The following PTPN4 variants were observed in gnomAD, a reference collection of about 807,000 sequenced individuals.
PTPN4 encodes the protein tyrosine-protein phosphatase non-receptor type 4.
A neutral mutation model predicts 135.5 loss-of-function variants in PTPN4; 49 were observed. That is an observed-to-expected ratio of 0.36 (90% CI 0.29 to 0.46). PTPN4 has a LOEUF of 0.46. Among genes scored for constraint, PTPN4 ranks in the 20% least tolerant of loss-of-function variants. PTPN4 has a pLI of 1.00. For missense variants in PTPN4, 860 were observed against 1,101.0 expected (o/e 0.78, Z 3.10); for synonymous variants, 333 against 369.9 (o/e 0.90, Z 1.14).
chr2:119,821,686 A>G (rs1167169218), intron 2 of PTPN4, among the ~76,000 whole-genome samples: 1 of 152,126 alleles, frequency 6.6e-6, no homozygotes, highest in African/African-American at 2.4e-5. Flanking sequence ...GTATTTTTTG[A>G]CATCACTTAC....
At chr2:119,881,487 C>T (rs1678077296) in intron 5 of PTPN4, among the ~76,000 whole-genome samples, 1 of 152,178 alleles carries the variant, frequency 6.6e-6, no homozygotes, top group Admixed American at 6.5e-5. Flanking sequence ...CATATACCAA[C>T]CCTCAAGAGT....
chr2:119,927,959 CATT>C (rs1374382726), intron 13 of PTPN4, among the ~76,000 whole-genome samples: 1 of 152,006 alleles, frequency 6.6e-6, no homozygotes, highest in East Asian at 1.9e-4. Context: ...AGTGATAGCT[CATT>C]ATGTTTAAAA....
intron 3 of PTPN4, among the ~76,000 whole-genome samples, chr2:119,870,104 G>A (rs1227877222): frequency 6.6e-6 from 1 of 152,168 alleles, no homozygotes; most frequent in Non-Finnish European, 1.5e-5. Context: ...TTAGCAATAT[G>A]ATTATCCACC....
At position 119,981,216 on chromosome 2, in the gene PTPN4, A is replaced by G. The variant is rs1679687710; in HGVS notation, c.*4146A>G. ...CACTTATAGTAAATAAAGTATATTAAATATTTGTTGGAATAAAAATCTCAA... is the reference window on the plus strand; with the variant it reads ...CACTTATAGTAAATAAAGTATATTAGATATTTGTTGGAATAAAAATCTCAA... On this transcript the variant is annotated 3_prime_UTR_variant, in exon 27 of 27. Transcript: ENST00000263708. The G allele has an allele frequency of 6.6e-6, 1 of 152,088 alleles. No individual in the cohort carries two copies. The highest frequency in any genetic ancestry group is 2.1e-4 in the South Asian group (1 of 4,834). 9.4% of individuals were successfully genotyped at this position (152,088 alleles called of 1,614,324 possible).
chr2:119,785,705 A>G (rs1312978445), intron 1 of PTPN4, among the ~76,000 whole-genome samples: 1 of 152,036 alleles, frequency 6.6e-6, no homozygotes, highest in Non-Finnish European at 1.5e-5. Flanking sequence ...CTGAGAATCA[A>G]GAGCTGTTAA....
chr2:119,798,073 T>A (rs996877670), intron 1 of PTPN4, among the ~76,000 whole-genome samples: 1 of 152,190 alleles, frequency 6.6e-6, no homozygotes, highest in Non-Finnish European at 1.5e-5. Flanking sequence ...TAAACATTTT[T>A]ATAGATTATT....
chr2:119,939,779 C>T (rs1470038756), intron 15 of PTPN4, among the ~76,000 whole-genome samples: 1 of 152,166 alleles, frequency 6.6e-6, no homozygotes, highest in Non-Finnish European at 1.5e-5. Context: ...TGATTTCCAT[C>T]TACAACTCAG....
intron 1 of PTPN4, among the ~76,000 whole-genome samples, chr2:119,766,616 A>C (rs1360090702): frequency 6.6e-6 from 1 of 152,152 alleles, no homozygotes; most frequent in Non-Finnish European, 1.5e-5. Flanking sequence ...AGGTATTTAA[A>C]TAAGGGATGA....
chr2:119,863,132 C>T (rs886803450), intron 3 of PTPN4, among the ~76,000 whole-genome samples: 1 of 151,976 alleles, frequency 6.6e-6, no homozygotes. Context: ...AATTATTTGG[C>T]ATTAAATTTC....
chr2:119,833,185 G>A (rs1677243237), intron 2 of PTPN4, among the ~76,000 whole-genome samples: 1 of 151,678 alleles, frequency 6.6e-6, no homozygotes, highest in African/African-American at 2.4e-5. Context: ...AAGTAATTTT[G>A]TGGTATGGTG....
intron 10 of PTPN4, among the ~76,000 whole-genome samples, chr2:119,911,134 G>T (rs1574400609): frequency 6.6e-6 from 1 of 152,074 alleles, no homozygotes; most frequent in East Asian, 1.9e-4. Context: ...AGCTCTTTTA[G>T]ACAATAAAGA....
At chr2:119,808,238 AAG>A (rs1410844409) in intron 1 of PTPN4, among the ~76,000 whole-genome samples, 1 of 152,220 alleles carries the variant, frequency 6.6e-6, no homozygotes, top group Middle Eastern at 3.2e-3. Context: ...GCAGTCAGGC[AAG>A]AGAAAGAAAT....
chr2:119,873,110 G>A (rs1677936595), intron 3 of PTPN4, among the ~76,000 whole-genome samples: 1 of 151,670 alleles, frequency 6.6e-6, no homozygotes, highest in Non-Finnish European at 1.5e-5. Flanking sequence ...CAACCTCCTA[G>A]CCTCCCGAGT....
chr2:119,962,933 G>A (rs1173545236), intron 24 of PTPN4, among the ~76,000 whole-genome samples, 189 bp downstream of exon 24: 1 of 152,090 alleles, frequency 6.6e-6, no homozygotes, highest in African/African-American at 2.4e-5. Flanking sequence ...TAAAATTAAT[G>A]TTTTTCTTTA....
intron 2 of PTPN4, among the ~76,000 whole-genome samples, chr2:119,843,548 A>G (rs1387483508): frequency 2.7e-5 from 3 of 109,616 alleles, no homozygotes; most frequent in East Asian, 2.5e-4. Flanking sequence ...GGGGCTCCTC[A>G]CTTCCCAGTA....
At chr2:119,947,091 G>A (rs1679144998) in intron 18 of PTPN4, among the ~76,000 whole-genome samples, 1 of 152,116 alleles carries the variant, frequency 6.6e-6, no homozygotes. Context: ...CCACAATCAT[G>A]AACTTTCTGT....
intron 26 of PTPN4, among the ~76,000 whole-genome samples, chr2:119,970,325 G>T (rs1208517982): frequency 1.3e-5 from 2 of 152,092 alleles, no homozygotes; most frequent in African/African-American, 2.4e-5. Flanking sequence ...CTCTCAAAGT[G>T]CTGGGATTAC....
rs183630173 is a variant in PTPN4 at position 119,862,980 on chromosome 2, C to T, written c.246+337C>T. On this transcript the variant is annotated intron_variant, in intron 3 of 26. Coordinates refer to ENST00000263708, the MANE Select transcript of PTPN4 (RefSeq NM_002830.4). ...TACCTTCAGATGTATATAAATTAGTCTGCACTAAAGTAAAATTAGTTTTTT... is the reference window on the plus strand; with the variant it reads ...TACCTTCAGATGTATATAAATTAGTTTGCACTAAAGTAAAATTAGTTTTTT... 5.3e-5 allele frequency among the ~76,000 whole-genome samples: 8 copies of T among 152,132 alleles called. No homozygotes were observed. The East Asian group carries it at 1.5e-3, about 29-fold the overall frequency.
At chr2:119,804,735 A>G (rs182394571) in intron 1 of PTPN4, among the ~76,000 whole-genome samples, 1 of 152,332 alleles carries the variant, frequency 6.6e-6, no homozygotes, top group Non-Finnish European at 1.5e-5. Context: ...TGCTGCAACA[A>G]ACATACACGT....
Sources: allele counts gnomAD v4.1 joint callset (sites outside exome capture counted in the v4.1 genomes callset), GRCh38; gene constraint gnomAD v4.1.1; transcripts MANE v1.5; gene names NCBI Gene and HGNC (gene_info 2026-07-23, HGNC 2026-07-21).